The following CYP7B1 variants were observed in gnomAD, a reference collection of about 807,000 sequenced individuals.
The protein encoded by CYP7B1 is cytochrome P450 family 7 subfamily B member 1.
In CYP7B1, 29 loss-of-function variants were observed where a neutral mutation model predicts 42.7. The ratio of observed to expected loss-of-function variants is 0.68; its 90% CI spans 0.51 to 0.93. The LOEUF (loss-of-function observed/expected upper bound fraction) is 0.93, where lower values mean the gene tolerates loss of function less well. Ranked by LOEUF, CYP7B1 falls within the 40% of genes least tolerant of loss-of-function variation. The pLI, the probability that CYP7B1 is intolerant of heterozygous loss-of-function variation, is 0.00. For synonymous variants in CYP7B1, 235 were observed against 218.2 expected (o/e 1.08, Z -0.68); for missense variants, 655 against 600.5 (o/e 1.09, Z -0.95).
chr8:64,712,274 C>T (rs1244836035), intron 1 of CYP7B1, among the ~76,000 whole-genome samples: 1 of 144,572 alleles, frequency 6.9e-6, no homozygotes, highest in Admixed American at 6.9e-5. Context: ...ATCAGCAATC[C>T]TTTTTTTTTT....
chr8:64,726,953 C>T (rs1303462946), intron 1 of CYP7B1, among the ~76,000 whole-genome samples: 1 of 152,128 alleles, frequency 6.6e-6, no homozygotes, highest in South Asian at 2.1e-4. Flanking sequence ...GCCTGAGGGC[C>T]TATGATCCTT....
intron 1 of CYP7B1, among the ~76,000 whole-genome samples, chr8:64,700,166 CTT>C (rs1806892825): frequency 6.6e-6 from 1 of 152,134 alleles, no homozygotes; most frequent in Non-Finnish European, 1.5e-5. Context: ...GTCACACACA[CTT>C]AAAAGAGCAA....
At chr8:64,741,082 A>T (rs1466124803) in intron 1 of CYP7B1, among the ~76,000 whole-genome samples, 1 of 151,780 alleles carries the variant, frequency 6.6e-6, no homozygotes, top group African/African-American at 2.4e-5. Context: ...ACAAAATTTA[A>T]CATAATATTT....
intron 1 of CYP7B1, among the ~76,000 whole-genome samples, chr8:64,661,953 A>G (rs1001509525): frequency 6.6e-6 from 1 of 152,180 alleles, no homozygotes; most frequent in Non-Finnish European, 1.5e-5. Context: ...AATGAATTCC[A>G]GGCCTGTCAA....
At chr8:64,606,683 G>A (rs1805287615) in intron 4 of CYP7B1, among the ~76,000 whole-genome samples, 1 of 152,172 alleles carries the variant, frequency 6.6e-6, no homozygotes, top group Non-Finnish European at 1.5e-5. Context: ...GCAAAGTGTG[G>A]CTTAGCGGTC....
intron 1 of CYP7B1, among the ~76,000 whole-genome samples, chr8:64,789,200 T>A (rs1804577397): frequency 6.6e-6 from 1 of 152,226 alleles, no homozygotes; most frequent in Non-Finnish European, 1.5e-5. Flanking sequence ...AGTGCTGGGA[T>A]TACAGGCATG....
intron 1 of CYP7B1, among the ~76,000 whole-genome samples, chr8:64,767,436 T>C (rs1804117090): frequency 6.6e-6 from 1 of 152,064 alleles, no homozygotes; most frequent in Admixed American, 6.5e-5. Flanking sequence ...TATGGGGTAA[T>C]CCCCTCCAGG....
At position 64,595,778 on chromosome 8, in the gene CYP7B1, A is replaced by G. The variant is rs1474658393; in HGVS notation, c.*864T>C. On this transcript the variant is annotated 3_prime_UTR_variant, in exon 6 of 6. Transcript: ENST00000310193. ...TACTATATCTAGCTTCTCAGTTTAT[A>G]TATATGAAAGCATTTAGGAAAGGGT... Among the ~76,000 whole-genome samples the G allele has an allele frequency of 6.6e-6, 1 of 152,228 alleles. No individual in the cohort carries two copies. The highest frequency in any genetic ancestry group is 1.5e-5 in the Non-Finnish European group (1 of 68,026).
At chr8:64,678,670 G>A (rs188783079) in intron 1 of CYP7B1, among the ~76,000 whole-genome samples, 2 of 152,252 alleles carry the variant, frequency 1.3e-5, no homozygotes, top group East Asian at 3.9e-4. Context: ...TGCTGCTGCT[G>A]GGGATGATCC....
At chr8:64,610,739 T>G (rs1805351568) in intron 4 of CYP7B1, among the ~76,000 whole-genome samples, 1 of 152,096 alleles carries the variant, frequency 6.6e-6, no homozygotes, top group Non-Finnish European at 1.5e-5. Flanking sequence ...TGAGAATCAG[T>G]AATATATATC....
chr8:64,625,225 G>A (rs1382269598), intron 1 of CYP7B1, among the ~76,000 whole-genome samples: 1 of 151,916 alleles, frequency 6.6e-6, no homozygotes, highest in Non-Finnish European at 1.5e-5. Flanking sequence ...TGCCCAACTC[G>A]GCCTCCCGAA....
At chr8:64,643,214 T>C (rs1021005528) in intron 1 of CYP7B1, among the ~76,000 whole-genome samples, 3 of 148,862 alleles carry the variant, frequency 2.0e-5, no homozygotes, top group East Asian at 2.0e-4. Flanking sequence ...CACACACACA[T>C]ATACAAGCAT....
At chr8:64,728,580 A>T (rs1209076932) in intron 1 of CYP7B1, among the ~76,000 whole-genome samples, 1 of 152,238 alleles carries the variant, frequency 6.6e-6, no homozygotes, top group Non-Finnish European at 1.5e-5. Flanking sequence ...ATAATTGTTG[A>T]GTAAAAGAAA....
At chr8:64,658,097 G>C (rs1266317431) in intron 1 of CYP7B1, among the ~76,000 whole-genome samples, 1 of 152,088 alleles carries the variant, frequency 6.6e-6, no homozygotes, top group Non-Finnish European at 1.5e-5. Flanking sequence ...CCATTCAAGA[G>C]AGCTCTGCCT....
At chr8:64,714,971 C>G (rs1004242590) in intron 1 of CYP7B1, among the ~76,000 whole-genome samples, 2 of 152,104 alleles carry the variant, frequency 1.3e-5, no homozygotes, top group African/African-American at 4.8e-5. Flanking sequence ...CCAAACCAAC[C>G]AAATCTAGGA....
intron 1 of CYP7B1, among the ~76,000 whole-genome samples, chr8:64,778,807 T>C (rs1365745787): frequency 6.6e-6 from 1 of 152,114 alleles, no homozygotes; most frequent in African/African-American, 2.4e-5. Flanking sequence ...TCTCTCCTGC[T>C]TTCCATTGCA....
chr8:64,753,936 A>G (rs1161673968), intron 1 of CYP7B1, among the ~76,000 whole-genome samples: 1 of 151,452 alleles, frequency 6.6e-6, no homozygotes, highest in African/African-American at 2.4e-5. Context: ...GTTGGTGCTC[A>G]TACACAACCA....
intron 1 of CYP7B1, among the ~76,000 whole-genome samples, chr8:64,762,907 T>C (rs1412448592): frequency 6.6e-6 from 1 of 152,196 alleles, no homozygotes; most frequent in African/African-American, 2.4e-5. Context: ...GTACACATAG[T>C]GCACAAAAAT....
chr8:64,714,452 G>A (rs899931909), intron 1 of CYP7B1, among the ~76,000 whole-genome samples: 4 of 152,170 alleles, frequency 2.6e-5, no homozygotes, highest in African/African-American at 9.7e-5. Context: ...GGAGGAATGG[G>A]TACTTGTGAT....
Sources: gnomAD v4.1 joint callset for allele counts (sites outside exome capture counted in the v4.1 genomes callset) on GRCh38, gnomAD v4.1.1 for gene constraint, MANE v1.5 for transcripts, NCBI Gene and HGNC (gene_info 2026-07-23, HGNC 2026-07-21) for gene names.